Variants in ACTR3C observed in about 807,000 individuals in gnomAD.
ACTR3C encodes the protein actin related protein 3C.
ACTR3C carries 18 observed loss-of-function variants against 26.3 expected under a neutral mutation model. That is an observed-to-expected ratio of 0.68 (90% CI 0.47 to 1.01). ACTR3C has a LOEUF of 1.01. Ranked by LOEUF, ACTR3C falls within the 50% of genes least tolerant of loss-of-function variation. The pLI is 0.00. For missense variants in ACTR3C, 184 were observed against 250.7 expected, an observed-to-expected ratio of 0.73 and a Z score of 1.80; for synonymous variants, 55 against 94.5, an observed-to-expected ratio of 0.58 and a Z score of 2.42.
intron 6 of ACTR3C, among the ~76,000 whole-genome samples, chr7:150,255,567 T>A (rs936633450): frequency 6.6e-6 from 1 of 152,176 alleles, no homozygotes; most frequent in Non-Finnish European, 1.5e-5. Context: ...GGGAGCAGGT[T>A]GCCCAGGGAG....
At chr7:150,143,890 C>T in the ACTR3C span, among the ~76,000 whole-genome samples, 1 of 152,196 alleles carries the variant, frequency 6.6e-6, no homozygotes, top group African/African-American at 2.4e-5. Context: ...TGAGAGTGGG[C>T]TGGAACCTGG....
chr7:150,143,454 T>C, the ACTR3C span, among the ~76,000 whole-genome samples: 2 of 152,068 alleles, frequency 1.3e-5, no homozygotes, highest in Non-Finnish European at 2.9e-5. Flanking sequence ...GCAAACATAA[T>C]TTACATGCAA....
chr7:149,933,181 G>C, the ACTR3C span, among the ~76,000 whole-genome samples: 3 of 148,036 alleles, frequency 2.0e-5, no homozygotes, highest in Non-Finnish European at 4.5e-5. Context: ...CCCAGCCCCA[G>C]AGATCCTGGA....
the ACTR3C span, among the ~76,000 whole-genome samples, chr7:150,113,065 C>G: frequency 1.4e-4 from 21 of 152,142 alleles, no homozygotes; most frequent in East Asian, 4.1e-3. Flanking sequence ...TCAATGGTAC[C>G]AAGGGGAAAC....
At chr7:150,240,126 G>A (rs1832098903), downstream of ACTR3C, among the ~76,000 whole-genome samples, 2 of 152,140 alleles carry the variant, frequency 1.3e-5, no homozygotes, top group African/African-American at 2.4e-5. Context: ...AAACAAAACT[G>A]AACTACTTAA....
chr7:150,235,406 G>A, the ACTR3C span, among the ~76,000 whole-genome samples: 1 of 152,168 alleles, frequency 6.6e-6, no homozygotes, highest in South Asian at 2.1e-4. Context: ...CTGGACACCT[G>A]CGAGTTCTGT....
At position 150,264,619 on chromosome 7, in the gene ACTR3C, C is replaced by A. The variant is rs534679489; in HGVS notation, c.565-15565G>T. The A allele has an allele frequency of 9.2e-6, 9 of 973,138 alleles. No individual in the cohort carries two copies. The Admixed American group carries it at 4.9e-4, about 53-fold the overall frequency. 60.3% of individuals were successfully genotyped at this position (973,138 alleles called of 1,614,324 possible). A position where few individuals can be genotyped will look rare whatever the true frequency, so the allele number is the denominator to read the frequency against. ...ATAAATGTATATTAAAACTTCAAAG[C>A]AAAGACAAGTTGAAGAAAACAAAAG... On this transcript the variant is annotated intron_variant, in intron 6 of 7. Coordinates refer to ENST00000683684, the MANE Select transcript of ACTR3C (RefSeq NM_001164458.2).
the ACTR3C span, among the ~76,000 whole-genome samples, chr7:150,082,816 A>G: frequency 1.3e-5 from 2 of 152,110 alleles, no homozygotes; most frequent in Non-Finnish European, 2.9e-5. Flanking sequence ...CTTATGAAGA[A>G]GAGAAGGAAG....
At chr7:150,161,545 C>T in the ACTR3C span, among the ~76,000 whole-genome samples, 1 of 152,022 alleles carries the variant, frequency 6.6e-6, no homozygotes, top group Non-Finnish European at 1.5e-5. Context: ...GACATGAACT[C>T]ATCATTTTTA....
At chr7:150,270,438 C>T (rs1210119694) in intron 6 of ACTR3C, among the ~76,000 whole-genome samples, 4 of 150,832 alleles carry the variant, frequency 2.7e-5, no homozygotes, top group South Asian at 2.1e-4. Context: ...CCGAGAAGGA[C>T]GCTGAGGCAC....
chr7:149,937,661 A>G, the ACTR3C span, among the ~76,000 whole-genome samples: 1 of 152,148 alleles, frequency 6.6e-6, no homozygotes, highest in African/African-American at 2.4e-5. Flanking sequence ...CAGGAACCGA[A>G]GTACCTGGCG....
the ACTR3C span, among the ~76,000 whole-genome samples, chr7:150,199,924 G>A: frequency 5.9e-5 from 9 of 152,076 alleles, no homozygotes; most frequent in Non-Finnish European, 1.3e-4. Context: ...CGGGAAGTAA[G>A]CTATAACTGT....
At chr7:149,896,951 C>T in the ACTR3C span, among the ~76,000 whole-genome samples, 1 of 150,684 alleles carries the variant, frequency 6.6e-6, no homozygotes, top group South Asian at 2.1e-4. Flanking sequence ...ATCCCAGCTA[C>T]TTGGGAGGCT....
chr7:150,241,196 A>G (rs1234168266), downstream of ACTR3C, among the ~76,000 whole-genome samples: 1 of 152,174 alleles, frequency 6.6e-6, no homozygotes. Context: ...AAAATACAAA[A>G]TGATTTTGAA....
At chr7:150,052,949 G>A in the ACTR3C span, among the ~76,000 whole-genome samples, 3 of 88,602 alleles carry the variant, frequency 3.4e-5, 1 homozygote, top group Non-Finnish European at 5.0e-5. Flanking sequence ...TAGGCTATAC[G>A]TAGAATATAT....
chr7:149,977,519 C>T, the ACTR3C span, among the ~76,000 whole-genome samples: 2 of 152,176 alleles, frequency 1.3e-5, no homozygotes, highest in African/African-American at 2.4e-5. Flanking sequence ...TTTCTTTCTA[C>T]CAGAACTCAT....
the ACTR3C span, among the ~76,000 whole-genome samples, chr7:150,058,693 G>A: frequency 2.0e-5 from 3 of 152,166 alleles, no homozygotes; most frequent in Non-Finnish European, 4.4e-5. Flanking sequence ...AAGGTGGGTG[G>A]ATCACGAGGT....
At chr7:150,234,437 C>A in the ACTR3C span, among the ~76,000 whole-genome samples, 1 of 152,138 alleles carries the variant, frequency 6.6e-6, no homozygotes, top group African/African-American at 2.4e-5. Context: ...ATGCGCCCCA[C>A]ATGACCATGA....
the ACTR3C span, among the ~76,000 whole-genome samples, chr7:150,122,288 CAA>C: frequency 7.2e-6 from 1 of 138,814 alleles, no homozygotes; most frequent in Non-Finnish European, 1.6e-5. Context: ...CAAAACAAAA[CAA>C]AAAACAACTA....
Sources: gnomAD v4.1 joint callset for allele counts (sites outside exome capture counted in the v4.1 genomes callset) on GRCh38, gnomAD v4.1.1 for gene constraint, MANE v1.5 for transcripts, NCBI Gene and HGNC (gene_info 2026-07-23, HGNC 2026-07-21) for gene names.